MYRIP: variants seen among roughly 807,000 people sequenced by gnomAD.
The protein encoded by MYRIP is rab effector MyRIP.
A neutral mutation model predicts 98.0 loss-of-function variants in MYRIP; 49 were observed. That is an observed-to-expected ratio of 0.50 (90% CI 0.40 to 0.63). MYRIP has a LOEUF of 0.63. MYRIP is among the 30% of genes least tolerant of loss of function. MYRIP has a pLI of 0.00. For synonymous variants in MYRIP, 404 were observed against 409.5 expected, an observed-to-expected ratio of 0.99 and a Z score of 0.16; for missense variants, 1,004 against 1,058.2, an observed-to-expected ratio of 0.95 and a Z score of 0.71.
At chr3:39,861,109 T>C (rs1207072591) in intron 1 of MYRIP, among the ~76,000 whole-genome samples, 7 of 152,220 alleles carry the variant, frequency 4.6e-5, no homozygotes, top group Non-Finnish European at 1.0e-4. Context: ...TGACCAGTGG[T>C]CCAGGAACAT....
chr3:40,188,286 G>T (rs796944981), intron 9 of MYRIP, among the ~76,000 whole-genome samples: 16 of 152,294 alleles, frequency 1.1e-4, no homozygotes, highest in African/African-American at 3.8e-4. Flanking sequence ...AGTTTAACTG[G>T]TAGAAAACCT....
intron 4 of MYRIP, among the ~76,000 whole-genome samples, chr3:40,153,148 A>G (rs935854421): frequency 4.6e-5 from 7 of 152,052 alleles, no homozygotes; most frequent in African/African-American, 1.5e-4. Flanking sequence ...ATACCAAGAC[A>G]CTTCATAGAA....
At chr3:40,021,558 C>T (rs1200466593) in intron 2 of MYRIP, among the ~76,000 whole-genome samples, 1 of 152,182 alleles carries the variant, frequency 6.6e-6, no homozygotes, top group Non-Finnish European at 1.5e-5. Context: ...TTTACAACAA[C>T]CAAGAGCGTG....
At chr3:40,198,768 AATT>A (rs1250577250) in intron 10 of MYRIP, among the ~76,000 whole-genome samples, 1 of 152,188 alleles carries the variant, frequency 6.6e-6, no homozygotes, top group African/African-American at 2.4e-5. Context: ...TCTAGGTTCT[AATT>A]ATTCTTTAAA....
intron 2 of MYRIP, among the ~76,000 whole-genome samples, chr3:39,971,969 T>A (rs1343055781): frequency 6.6e-6 from 1 of 152,020 alleles, no homozygotes; most frequent in Non-Finnish European, 1.5e-5. Flanking sequence ...AAATTGGCAT[T>A]TACAACATTC....
intron 10 of MYRIP, among the ~76,000 whole-genome samples, chr3:40,199,199 T>C (rs1951484209): frequency 6.6e-6 from 1 of 152,194 alleles, no homozygotes; most frequent in Non-Finnish European, 1.5e-5. Context: ...CTGTGGATCC[T>C]TGTGGAGAGG....
intron 3 of MYRIP, among the ~76,000 whole-genome samples, chr3:40,088,459 TTTA>T (rs1948673516): frequency 6.6e-6 from 1 of 152,324 alleles, no homozygotes; most frequent in East Asian, 1.9e-4. Flanking sequence ...TTAATCAGCT[TTTA>T]TTCATTCATC....
At chr3:39,824,855 A>G (rs1164266388) in intron 1 of MYRIP, among the ~76,000 whole-genome samples, 2 of 152,136 alleles carry the variant, frequency 1.3e-5, no homozygotes, top group East Asian at 1.9e-4. Flanking sequence ...AATTGTGACT[A>G]TAGGCATATG....
intron 11 of MYRIP, among the ~76,000 whole-genome samples, chr3:40,219,076 G>C (rs1952242785): frequency 6.6e-6 from 1 of 152,028 alleles, no homozygotes; most frequent in Admixed American, 6.6e-5. Context: ...ATCCTTTAAG[G>C]AATATTAGAT....
At chr3:39,959,532 G>T (rs1397433755) in intron 2 of MYRIP, among the ~76,000 whole-genome samples, 1 of 152,072 alleles carries the variant, frequency 6.6e-6, no homozygotes, top group African/African-American at 2.4e-5. Context: ...ATGGGGTAGG[G>T]GGAGCAGGGA....
intron 2 of MYRIP, among the ~76,000 whole-genome samples, chr3:39,938,224 T>C (rs1944700506): frequency 6.6e-6 from 1 of 152,222 alleles, no homozygotes; most frequent in Non-Finnish European, 1.5e-5. Context: ...TTTTGAACTT[T>C]ATATAAATGG....
At chr3:40,169,328 A>G (rs76761635) in intron 7 of MYRIP, among the ~76,000 whole-genome samples, 6,684 of 152,052 alleles carry the variant, frequency 0.044, 222 homozygotes, top group East Asian at 0.21. Flanking sequence ...GAATATGCCC[A>G]TCTTGGTGGC....
chr3:39,968,776 A>G (rs1260992958), intron 2 of MYRIP, among the ~76,000 whole-genome samples: 2 of 151,946 alleles, frequency 1.3e-5, no homozygotes, highest in Non-Finnish European at 2.9e-5. Flanking sequence ...AGCTTTGTTC[A>G]TTTTGCTTAG....
chr3:39,956,559 G>A (rs538822185), intron 2 of MYRIP, among the ~76,000 whole-genome samples: 6 of 152,210 alleles, frequency 3.9e-5, no homozygotes, highest in African/African-American at 1.2e-4. Flanking sequence ...AGCACTAAAT[G>A]CCCACAAGAG....
intron 3 of MYRIP, among the ~76,000 whole-genome samples, chr3:40,103,200 T>C (rs1319508501): frequency 2.0e-5 from 3 of 152,122 alleles, no homozygotes; most frequent in Non-Finnish European, 2.9e-5. Flanking sequence ...CTAGTATACA[T>C]GCTTTTCACA....
rs180685327 is a variant in MYRIP at position 40,160,914 on chromosome 3, G to C, written c.470-1816G>C. Among the ~76,000 whole-genome samples, 401 of 152,276 alleles carry C rather than the reference G, an allele frequency of 2.6e-3. 1 individual carries two copies. Among genetic ancestry groups the C allele is most frequent in the African/African-American group, 9.3e-3 (385 of 41,556 alleles). On this transcript the variant is annotated intron_variant, in intron 4 of 16. Transcript: ENST00000302541. ...TGTGCCCACTGTCTGGCACTCCCTAGTGAGATGAACCTGGTACCTCAGATG... is the reference window on the plus strand; with the variant it reads ...TGTGCCCACTGTCTGGCACTCCCTACTGAGATGAACCTGGTACCTCAGATG...
chr3:40,214,858 G>A (rs1182617450), intron 11 of MYRIP, among the ~76,000 whole-genome samples: 1 of 152,148 alleles, frequency 6.6e-6, no homozygotes, highest in African/African-American at 2.4e-5. Context: ...GGATGCAAAA[G>A]AGGACTAAGG....
intron 11 of MYRIP, among the ~76,000 whole-genome samples, chr3:40,222,369 G>A (rs1446647700): frequency 6.6e-6 from 1 of 152,166 alleles, no homozygotes; most frequent in Non-Finnish European, 1.5e-5. Flanking sequence ...ATAGCACACT[G>A]GTGGGGTGTC....
chr3:39,852,218 C>A (rs1231722872), intron 1 of MYRIP, among the ~76,000 whole-genome samples: 1 of 152,130 alleles, frequency 6.6e-6, no homozygotes, highest in Non-Finnish European at 1.5e-5. Flanking sequence ...TTGTGGAGCC[C>A]AGTCTGCAGT....
Sources: allele counts gnomAD v4.1 joint callset (sites outside exome capture counted in the v4.1 genomes callset), GRCh38; gene constraint gnomAD v4.1.1; transcripts MANE v1.5; gene names NCBI Gene and HGNC (gene_info 2026-07-23, HGNC 2026-07-21).